The following EIPR1 variants were observed in gnomAD, a reference collection of about 807,000 sequenced individuals.
EIPR1 encodes EARP and GARP complex-interacting protein 1.
Under a neutral mutation model 48.1 loss-of-function variants are expected in EIPR1, and 25 were observed. The observed-to-expected ratio is 0.52, with a 90% confidence interval of 0.38 to 0.73. The LOEUF (loss-of-function observed/expected upper bound fraction) is 0.73. EIPR1 is among the 30% of genes least tolerant of loss of function. EIPR1 has a pLI of 0.00. For missense variants in EIPR1, 415 were observed against 506.2 expected, an observed-to-expected ratio of 0.82 and a Z score of 1.73; for synonymous variants, 204 against 201.9, an observed-to-expected ratio of 1.01 and a Z score of -0.09.
At chr2:3,361,924 T>C (rs540022658) in intron 1 of EIPR1, among the ~76,000 whole-genome samples, 1 of 152,344 alleles carries the variant, frequency 6.6e-6, no homozygotes, top group African/African-American at 2.4e-5. Flanking sequence ...CCTGCTCTTC[T>C]TTCTCCCTTC....
chr2:3,313,628 T>C (rs549591895), intron 3 of EIPR1, among the ~76,000 whole-genome samples: 173 of 152,298 alleles, frequency 1.1e-3, no homozygotes, highest in South Asian at 2.9e-3. Context: ...AAAATCCCCA[T>C]CTGCCTAAAT....
chr2:3,290,878 G>A (rs1668343694), intron 3 of EIPR1, among the ~76,000 whole-genome samples: 1 of 152,218 alleles, frequency 6.6e-6, no homozygotes, highest in South Asian at 2.1e-4. Flanking sequence ...CACGGCCCGA[G>A]CAATGCAAGA....
intron 4 of EIPR1, among the ~76,000 whole-genome samples, chr2:3,231,516 T>C (rs990206923): frequency 6.6e-5 from 10 of 152,234 alleles, no homozygotes; most frequent in Admixed American, 5.9e-4. Flanking sequence ...AAATTACTTC[T>C]ATATCTAATT....
In EIPR1 at chr2:3,355,812, T is replaced by TAAATAAAATAAAATAAAATAAAATA. The variant is rs10581799; in HGVS notation, c.43-1204_43-1180dup. ...CTGGGTGACCGAACAAGACCCTGTC[T>TAAATAAAATAAAATAAAATAAAATA]AAATAAAATAAAATAAAATAAAATA... On this transcript the variant is annotated intron_variant, in intron 1 of 8. Coordinates refer to ENST00000382125, the MANE Select transcript of EIPR1 (RefSeq NM_003310.5). Among the ~76,000 whole-genome samples the TAAATAAAATAAAATAAAATAAAATA allele has an allele frequency of 3.9e-3, 574 of 148,916 alleles. 2 individuals are homozygous for TAAATAAAATAAAATAAAATAAAATA. Among genetic ancestry groups the TAAATAAAATAAAATAAAATAAAATA allele is most frequent in the Middle Eastern group, 0.014 (4 of 286 alleles).
At chr2:3,323,047 G>A (rs966703401) in intron 3 of EIPR1, among the ~76,000 whole-genome samples, 7 of 151,986 alleles carry the variant, frequency 4.6e-5, no homozygotes, top group African/African-American at 1.5e-4. Context: ...GGCTCTTTCC[G>A]GAGATTCAGA....
chr2:3,338,066 A>C lies in EIPR1; in HGVS notation c.210T>G (p.Ile70Met), dbSNP rs746235249. Residue 70 changes from isoleucine (I) to methionine (M), a missense_variant, in exon 3 of 9, where the codon ATT becomes ATG. Coordinates refer to ENST00000382125, the MANE Select transcript of EIPR1 (RefSeq NM_003310.5). The part of the protein sequence containing the change: ...LLHQAGEIWH[I>M]SASPADRGVL... ...CACCTCTGTCTGCAGGGCTAGCGCT[A>C]ATATGCCAGATTTCACCCGCTTGAT... is the stretch of plus-strand genomic sequence containing the variant. The C allele has an allele frequency of 1.9e-6, 3 of 1,613,178 alleles. No individual in the cohort carries two copies. In the South Asian group the frequency reaches 3.3e-5, roughly 18 times the overall value.
At chr2:3,267,674 G>T (rs911243202) in intron 3 of EIPR1, among the ~76,000 whole-genome samples, 4 of 152,252 alleles carry the variant, frequency 2.6e-5, no homozygotes, top group Non-Finnish European at 5.9e-5. Flanking sequence ...TTCACGTCCT[G>T]CTGCAGACCT....
chr2:3,249,052 G>C (rs543234084), intron 4 of EIPR1, among the ~76,000 whole-genome samples: 1 of 152,218 alleles, frequency 6.6e-6, no homozygotes, highest in African/African-American at 2.4e-5. Flanking sequence ...TACTGAGGAG[G>C]GGAGCATTGC....
chr2:3,252,903 C>T (rs1667045398), intron 4 of EIPR1, among the ~76,000 whole-genome samples: 1 of 152,212 alleles, frequency 6.6e-6, no homozygotes, highest in South Asian at 2.1e-4. Flanking sequence ...AAATAAAAAA[C>T]TCTAAGAACC....
chr2:3,303,221 C>T (rs371043923), intron 3 of EIPR1, among the ~76,000 whole-genome samples: 4 of 152,170 alleles, frequency 2.6e-5, no homozygotes, highest in Non-Finnish European at 5.9e-5. Context: ...AGGAGATCAA[C>T]GTGAGGGGCT....
rs540332594 is a variant in EIPR1, at chr2:3,196,839, G to T, written c.653+42C>A. 2.5e-6 allele frequency: 4 copies of T among 1,606,978 alleles called. No homozygotes were observed. The East Asian group carries it at 9.0e-5, about 36-fold the overall frequency. Reference sequence around the variant, plus strand: ...CATCATCCCGGTTCTGCTCGGTGAGGGAGGAAAGGAAGTGGGGCCTGCGCC... The same window carrying T: ...CATCATCCCGGTTCTGCTCGGTGAGTGAGGAAAGGAAGTGGGGCCTGCGCC... On this transcript the variant is annotated intron_variant, in intron 6 of 8. Transcript: ENST00000382125.
At chr2:3,199,583 G>A (rs1004974716) in intron 5 of EIPR1, among the ~76,000 whole-genome samples, 5 of 152,222 alleles carry the variant, frequency 3.3e-5, no homozygotes, top group Admixed American at 6.5e-5. Context: ...CCCACTGGGG[G>A]GACAGGGTAC....
At chr2:3,318,781 T>C (rs1006129802) in intron 3 of EIPR1, 5 of 459,646 alleles carry the variant, frequency 1.1e-5, no homozygotes, top group Non-Finnish European at 2.3e-5. Flanking sequence ...TCTGGTGACG[T>C]GCTACTCCTC....
intron 2 of EIPR1, among the ~76,000 whole-genome samples, chr2:3,351,306 T>C (rs1055637970): frequency 6.6e-6 from 1 of 152,234 alleles, no homozygotes; most frequent in African/African-American, 2.4e-5. Context: ...TGGCCTCTTC[T>C]TATTTCTTCT....
chr2:3,267,604 G>A (rs1193816332), intron 3 of EIPR1, among the ~76,000 whole-genome samples: 3 of 152,202 alleles, frequency 2.0e-5, no homozygotes, highest in African/African-American at 7.2e-5. Flanking sequence ...GTCTCACACC[G>A]CCAATTTGAA....
At chr2:3,303,272 G>GC (rs1270585905) in intron 3 of EIPR1, among the ~76,000 whole-genome samples, 1 of 152,230 alleles carries the variant, frequency 6.6e-6, no homozygotes, top group African/African-American at 2.4e-5. Context: ...ACTCTCACCA[G>GC]CCATGCCGAG....
intron 1 of EIPR1, among the ~76,000 whole-genome samples, chr2:3,367,098 T>C (rs1014319204): frequency 8.0e-6 from 1 of 125,464 alleles, no homozygotes; most frequent in Non-Finnish European, 1.8e-5. Flanking sequence ...TAAATTCAAC[T>C]GATGAAATTA....
At chr2:3,204,023 A>G (rs1391957194) in intron 5 of EIPR1, among the ~76,000 whole-genome samples, 1 of 152,238 alleles carries the variant, frequency 6.6e-6, no homozygotes, top group Non-Finnish European at 1.5e-5. Flanking sequence ...CTGAGGTCAC[A>G]CACGTGGGCC....
chr2:3,281,638 C>G (rs564850833), intron 3 of EIPR1, among the ~76,000 whole-genome samples: 10 of 152,292 alleles, frequency 6.6e-5, no homozygotes, highest in Admixed American at 5.2e-4. Context: ...CTCAGTAGAT[C>G]GAACTAGCTC....
Sources: allele counts gnomAD v4.1 joint callset (sites outside exome capture counted in the v4.1 genomes callset), GRCh38; gene constraint gnomAD v4.1.1; transcripts MANE v1.5; gene names NCBI Gene and HGNC (gene_info 2026-07-23, HGNC 2026-07-21).